The following PCDHGA10 variants were observed in gnomAD, a reference collection of about 807,000 sequenced individuals.
PCDHGA10 encodes the protein protocadherin gamma-A10.
PCDHGA10 carries 42 observed loss-of-function variants against 59.5 expected under a neutral mutation model. The ratio of observed to expected loss-of-function variants is 0.71; its 90% confidence interval spans 0.55 to 0.91. The LOEUF is 0.91. PCDHGA10 is among the 40% of genes least tolerant of loss of function. The probability of loss-of-function intolerance (pLI) is 0.00; values close to 1 mark genes in which losing one functional copy is unlikely to be tolerated. For synonymous variants in PCDHGA10, 511 were observed against 517.2 expected, an observed-to-expected ratio of 0.99 and a Z score of 0.16; for missense variants, 1,111 against 1,198.2, an observed-to-expected ratio of 0.93 and a Z score of 1.07.
Position 141,489,252 on chromosome 5 carries a change from G to A in PCDHGA10, c.2437-5555G>A. 2 of 1,547,622 alleles carry A rather than the reference G, an allele frequency of 1.3e-6. No individual in the cohort carries two copies. Among genetic ancestry groups the A allele is most frequent in the Non-Finnish European group, 1.7e-6 (2 of 1,147,198 alleles). On this transcript the variant is annotated intron_variant, in intron 1 of 3. Coordinates refer to ENST00000398610, the MANE Select transcript of PCDHGA10 (RefSeq NM_018913.3). The surrounding 1 kb of genome is among the most constrained non-coding windows in gnomAD (Gnocchi z 4.5). ...GGGACTTCTGGGTCATGGGGCCCAAGACACTCCCACAGCTCGCTGGGAAAT... is the reference window on the plus strand; with the variant it reads ...GGGACTTCTGGGTCATGGGGCCCAAAACACTCCCACAGCTCGCTGGGAAAT...
intron 1 of PCDHGA10, among the ~76,000 whole-genome samples, chr5:141,466,268 T>A (rs568525260): frequency 6.6e-6 from 1 of 152,150 alleles, no homozygotes; most frequent in Non-Finnish European, 1.5e-5. Context: ...CCTCGTGAGC[T>A]CAAGCAATCT....
intron 1 of PCDHGA10, among the ~76,000 whole-genome samples, chr5:141,482,800 G>A (rs10052648): frequency 7.6e-6 from 1 of 130,764 alleles, no homozygotes; most frequent in South Asian, 2.2e-4. Flanking sequence ...GGCCGGGTAC[G>A]GTGGCTCATG....
At chr5:141,509,128 A>C (rs995210331) in intron 3 of PCDHGA10, among the ~76,000 whole-genome samples, 8 of 151,958 alleles carry the variant, frequency 5.3e-5, no homozygotes, top group African/African-American at 1.7e-4. Flanking sequence ...TGAAGAGAAA[A>C]ACCGAGGCGC....
In PCDHGA10 at chr5:141,485,569, T is replaced by C; in HGVS notation, c.2437-9238T>C. The C allele has an allele frequency of 6.2e-7, 1 of 1,612,664 alleles. No individual in the cohort carries two copies. Among genetic ancestry groups the C allele is most frequent in the Non-Finnish European group, 8.5e-7 (1 of 1,178,890 alleles). ...TAGATGTGAATGATCACGCCCCCCG[T>C]TTTCCGCGGCAGCAGCTGGACTTGG... On this transcript the variant is annotated intron_variant, in intron 1 of 3. Coordinates refer to ENST00000398610, the MANE Select transcript of PCDHGA10 (RefSeq NM_018913.3). This position sits in a 1 kb window ranked among gnomAD's most constrained non-coding sequence, Gnocchi z 5.7.
At chr5:141,423,384 C>T in intron 1 of PCDHGA10, 1 of 1,614,172 alleles carries the variant, frequency 6.2e-7, no homozygotes. Flanking sequence ...GGCTGTGGCG[C>T]TGGCATAAGT....
At chr5:141,468,849 G>C (rs1349849817) in intron 1 of PCDHGA10, among the ~76,000 whole-genome samples, 2 of 152,058 alleles carry the variant, frequency 1.3e-5, no homozygotes, top group East Asian at 3.9e-4. Flanking sequence ...CTGGGCAACA[G>C]AGCGAGACTC....
Position 141,491,034 on chromosome 5 carries a change from T to G in PCDHGA10, c.2437-3773T>G, listed in dbSNP as rs375902824. 1 of 1,614,170 alleles carries G rather than the reference T, an allele frequency of 6.2e-7. No homozygotes were observed. The highest frequency in any genetic ancestry group is 8.5e-7 in the Non-Finnish European group (1 of 1,180,024). On this transcript the variant is annotated intron_variant, in intron 1 of 3. Coordinates refer to ENST00000398610, the MANE Select transcript of PCDHGA10 (RefSeq NM_018913.3). The surrounding 1 kb of genome is among the most constrained non-coding windows in gnomAD (Gnocchi z 6.9). ...CCAAGGTGACAGCCGTGGATGCTGATGCAGGCCACAATGCGTGGCTCTCCT... is the reference window on the plus strand; with the variant it reads ...CCAAGGTGACAGCCGTGGATGCTGAGGCAGGCCACAATGCGTGGCTCTCCT...
chr5:141,422,633 G>T lies in PCDHGA10; in HGVS notation c.2436+7022G>T, dbSNP rs769515606. 10 of 1,613,120 alleles carry T rather than the reference G, an allele frequency of 6.2e-6. No individual in the cohort carries two copies. In the East Asian group the frequency reaches 2.0e-4, roughly 32 times the overall value. ...TACATTCCCGAAAACAACCCCAGGG[G>T]TGCCTCCATCTTCTCAGTGACCGCC... On this transcript the variant is annotated intron_variant, in intron 1 of 3. Coordinates refer to ENST00000398610, the MANE Select transcript of PCDHGA10 (RefSeq NM_018913.3).
intron 1 of PCDHGA10, chr5:141,423,925 T>C (rs17097293): frequency 0.23 from 286,429 of 1,244,544 alleles, 36,355 homozygotes; most frequent in African/African-American, 0.51. Flanking sequence ...ACTATGCTGG[T>C]TTGGTTTGAA....
Position 141,476,935 on chromosome 5 carries a change from A to G in PCDHGA10, c.2437-17872A>G. The G allele has an allele frequency of 6.2e-7, 1 of 1,614,166 alleles. No homozygotes were observed. Among genetic ancestry groups the G allele is most frequent in the Non-Finnish European group, 8.5e-7 (1 of 1,180,046 alleles). Reference sequence around the variant, plus strand: ...AAGTCCTTGCAACGGATCTGGATGAAGGCCCCAACGGTGAAATTATTTACT... The same window carrying G: ...AAGTCCTTGCAACGGATCTGGATGAGGGCCCCAACGGTGAAATTATTTACT... On this transcript the variant is annotated intron_variant, in intron 1 of 3. Transcript: ENST00000398610. This position sits in a 1 kb window ranked among gnomAD's most constrained non-coding sequence, Gnocchi z 7.6.
intron 1 of PCDHGA10, chr5:141,441,792 G>T: frequency 2.6e-6 from 1 of 389,292 alleles, no homozygotes; most frequent in Non-Finnish European, 5.1e-6. Context: ...GAATGACAAC[G>T]CACCGCGGGT....
intron 1 of PCDHGA10, among the ~76,000 whole-genome samples, chr5:141,457,424 C>T (rs1261475379): frequency 6.6e-6 from 1 of 152,068 alleles, no homozygotes; most frequent in Non-Finnish European, 1.5e-5. Context: ...TCCCTTTTTC[C>T]CCCCCACCAA....
At position 141,491,099 on chromosome 5, in the gene PCDHGA10, T is replaced by C. The variant is rs1352561414; in HGVS notation, c.2437-3708T>C. 1 of 1,614,176 alleles carries C rather than the reference T, an allele frequency of 6.2e-7. No homozygotes were observed. ...CAGTCCACAGCCCCAGGACTGTTCC[T>C]CGTGTCTACACACACTGGTGAGGTG... On this transcript the variant is annotated intron_variant, in intron 1 of 3. Coordinates refer to ENST00000398610, the MANE Select transcript of PCDHGA10 (RefSeq NM_018913.3). The surrounding 1 kb of genome is among the most constrained non-coding windows in gnomAD (Gnocchi z 6.9).
intron 1 of PCDHGA10, among the ~76,000 whole-genome samples, chr5:141,464,240 G>A (rs1396190870): frequency 1.3e-5 from 2 of 150,444 alleles, no homozygotes; most frequent in Non-Finnish European, 2.9e-5. Context: ...ACTCCAGCCT[G>A]GGCTACAGAG....
rs143278253 is a variant in PCDHGA10 at position 141,476,491 on chromosome 5, C to T, written c.2437-18316C>T. 9.5e-5 allele frequency: 153 copies of T among 1,613,894 alleles called. No individual in the cohort carries two copies. The highest frequency in any genetic ancestry group is 5.4e-5 in the Non-Finnish European group (64 of 1,180,020). On this transcript the variant is annotated intron_variant, in intron 1 of 3. Transcript: ENST00000398610. This position sits in a 1 kb window ranked among gnomAD's most constrained non-coding sequence, Gnocchi z 7.6. ...AGCTGTTCAGCGTGGAAGTGGTGAT[C>T]CAGGACATCAACGACAACAATCCTG... is the stretch of plus-strand genomic sequence containing the variant.
chr5:141,494,792 C>A lies in PCDHGA10; in HGVS notation c.2437-15C>A. The A allele has an allele frequency of 6.2e-7, 1 of 1,614,132 alleles. No individual in the cohort carries two copies. Among genetic ancestry groups the A allele is most frequent in the East Asian group, 2.2e-5 (1 of 44,878 alleles). Reference sequence around the variant, plus strand: ...TCACGGGTACTCAGCCCCTTTCCCTCTGTTTTCTCCACAGCAAGCCCCGCC... The same window carrying A: ...TCACGGGTACTCAGCCCCTTTCCCTATGTTTTCTCCACAGCAAGCCCCGCC... On this transcript the variant is annotated splice_polypyrimidine_tract_variant and intron_variant, in intron 1 of 3. Transcript: ENST00000398610.
At chr5:141,433,096 C>A in intron 1 of PCDHGA10, 3 of 1,614,118 alleles carry the variant, frequency 1.9e-6, no homozygotes, top group Non-Finnish European at 2.5e-6. Context: ...CAGACATGCT[C>A]GTCAGCCAGG....
rs866649962 is a variant in PCDHGA10 at position 141,482,106 on chromosome 5, T to A, written c.2437-12701T>A. Reference sequence around the variant, plus strand: ...CTCCATCTCAAAAAAAAAAAAAAAATATCTAGAGATGGGAGAATCATATGG... The same window carrying A: ...CTCCATCTCAAAAAAAAAAAAAAAAAATCTAGAGATGGGAGAATCATATGG... On this transcript the variant is annotated intron_variant, in intron 1 of 3. Transcript: ENST00000398610. 2.5e-3 allele frequency among the ~76,000 whole-genome samples: 342 copies of A among 138,882 alleles called. 1 individual carries two copies. Among genetic ancestry groups the A allele is most frequent in the Middle Eastern group, 0.011 (3 of 272 alleles). 91.1% of individuals were successfully genotyped at this position (138,882 alleles called of 152,430 possible). A position where few individuals can be genotyped will look rare whatever the true frequency, so the allele number is the denominator to read the frequency against.
At chr5:141,488,146 A>G (rs1458115635) in intron 1 of PCDHGA10, among the ~76,000 whole-genome samples, 2 of 152,164 alleles carry the variant, frequency 1.3e-5, no homozygotes, top group South Asian at 4.1e-4. Context: ...AACTAAAGGA[A>G]TAGAGAGGCA....
Sources: allele counts gnomAD v4.1 joint callset (sites outside exome capture counted in the v4.1 genomes callset), GRCh38; gene constraint gnomAD v4.1.1; non-coding constraint Gnocchi (gnomAD v3.1); transcripts MANE v1.5; gene names NCBI Gene and HGNC (gene_info 2026-07-23, HGNC 2026-07-21).